The following DYNC1I1 variants were observed in gnomAD, a reference collection of about 807,000 sequenced individuals.
DYNC1I1 encodes cytoplasmic dynein 1 intermediate chain 1.
A neutral mutation model predicts 86.6 loss-of-function variants in DYNC1I1; 43 were observed. The observed-to-expected ratio is 0.50, with a 90% confidence interval of 0.39 to 0.64. The LOEUF (loss-of-function observed/expected upper bound fraction) is 0.64, where lower values mean the gene tolerates loss of function less well. DYNC1I1 is among the 30% of genes least tolerant of loss of function. The probability of loss-of-function intolerance (pLI) is 0.00; values close to 1 mark genes in which losing one functional copy is unlikely to be tolerated. For missense variants in DYNC1I1, 604 were observed against 788.8 expected, an observed-to-expected ratio of 0.77 and a Z score of 2.81; for synonymous variants, 262 against 283.7, an observed-to-expected ratio of 0.92 and a Z score of 0.77.
intron 6 of DYNC1I1, among the ~76,000 whole-genome samples, chr7:95,938,286 G>A (rs1236104917): frequency 6.6e-6 from 1 of 152,136 alleles, no homozygotes; most frequent in Non-Finnish European, 1.5e-5. Context: ...TATTTCTCAA[G>A]TTATAATAAC....
intron 2 of DYNC1I1, among the ~76,000 whole-genome samples, chr7:95,805,902 A>C (rs1433465642): frequency 6.6e-6 from 1 of 152,220 alleles, no homozygotes; most frequent in Non-Finnish European, 1.5e-5. Flanking sequence ...AGACCAAGGT[A>C]ATAGATTTAC....
At chr7:95,835,598 T>C (rs1049867589) in intron 5 of DYNC1I1, among the ~76,000 whole-genome samples, 4 of 151,952 alleles carry the variant, frequency 2.6e-5, no homozygotes, top group Non-Finnish European at 5.9e-5. Flanking sequence ...TATTAATGTG[T>C]GGGAGTCTAA....
chr7:96,019,041 T>A (rs1440141147), intron 10 of DYNC1I1, among the ~76,000 whole-genome samples: 1 of 152,186 alleles, frequency 6.6e-6, no homozygotes, highest in Admixed American at 6.5e-5. Flanking sequence ...GAGTTTGTGT[T>A]TTTTGTTTCT....
chr7:96,109,582 G>A (rs943637250), intron 16 of DYNC1I1, among the ~76,000 whole-genome samples: 1 of 151,818 alleles, frequency 6.6e-6, no homozygotes, highest in Non-Finnish European at 1.5e-5. Flanking sequence ...TATATGTTGT[G>A]TTTTCATTTT....
At chr7:96,104,011 T>A (rs148360493) in intron 16 of DYNC1I1, among the ~76,000 whole-genome samples, 2 of 152,302 alleles carry the variant, frequency 1.3e-5, no homozygotes, top group African/African-American at 4.8e-5. Flanking sequence ...TATCTAGCTG[T>A]GGTTTTAGTT....
At chr7:95,880,367 A>T (rs1382571751) in intron 6 of DYNC1I1, among the ~76,000 whole-genome samples, 2 of 152,066 alleles carry the variant, frequency 1.3e-5, no homozygotes, top group African/African-American at 4.8e-5. Context: ...CCACCCCCAG[A>T]GGAGGTGGAA....
intron 12 of DYNC1I1, among the ~76,000 whole-genome samples, chr7:96,033,900 C>T (rs1336820008): frequency 1.3e-5 from 2 of 152,062 alleles, no homozygotes; most frequent in African/African-American, 4.8e-5. Context: ...GTCCATGTTC[C>T]TTGGGAGGCT....
At chr7:95,960,583 T>C (rs1792840560) in intron 6 of DYNC1I1, among the ~76,000 whole-genome samples, 1 of 152,240 alleles carries the variant, frequency 6.6e-6, no homozygotes, top group Admixed American at 6.5e-5. Context: ...AAACTTGATT[T>C]GTCTACTTCC....
chr7:95,889,003 A>T (rs1790668727), intron 6 of DYNC1I1, among the ~76,000 whole-genome samples: 1 of 152,204 alleles, frequency 6.6e-6, no homozygotes, highest in African/African-American at 2.4e-5. Context: ...AATGCTTGGG[A>T]GAAGTCATTG....
chr7:96,104,086 A>AT (rs1791178661), intron 16 of DYNC1I1, among the ~76,000 whole-genome samples: 1 of 152,116 alleles, frequency 6.6e-6, no homozygotes, highest in Non-Finnish European at 1.5e-5. Flanking sequence ...CATTTAATAT[A>AT]TTATTTCTTC....
chr7:95,831,951 A>G (rs963035200), intron 5 of DYNC1I1, among the ~76,000 whole-genome samples: 22 of 152,088 alleles, frequency 1.4e-4, no homozygotes, highest in Non-Finnish European at 3.1e-4. Context: ...TTGCCTTATC[A>G]TTGTATTGGT....
chr7:96,026,466 G>A (rs968769064), intron 10 of DYNC1I1, among the ~76,000 whole-genome samples: 1 of 151,920 alleles, frequency 6.6e-6, no homozygotes, highest in African/African-American at 2.4e-5. Flanking sequence ...TGGTGTATCA[G>A]TTATGATGTT....
chr7:96,079,783 G>A (rs1418520162), intron 15 of DYNC1I1, among the ~76,000 whole-genome samples: 1 of 152,150 alleles, frequency 6.6e-6, no homozygotes. Context: ...GAGAAAGAGA[G>A]AGAGAGAGAA....
chr7:95,966,207 G>T (rs75602771), intron 6 of DYNC1I1, among the ~76,000 whole-genome samples: 5,411 of 152,288 alleles, frequency 0.036, 142 homozygotes, highest in South Asian at 0.1. Context: ...CCATAGGTCT[G>T]GTTTTCCCAG....
At chr7:95,776,536 G>T (rs1793845010) in intron 1 of DYNC1I1, among the ~76,000 whole-genome samples, 1 of 152,148 alleles carries the variant, frequency 6.6e-6, no homozygotes, top group African/African-American at 2.4e-5. Flanking sequence ...TGGGGATATT[G>T]CTAACTAAAA....
intron 5 of DYNC1I1, among the ~76,000 whole-genome samples, chr7:95,861,785 T>C (rs1789887444): frequency 6.6e-6 from 1 of 152,184 alleles, no homozygotes; most frequent in Non-Finnish European, 1.5e-5. Flanking sequence ...CATGCGAAGG[T>C]GTTCTGAGAG....
intron 14 of DYNC1I1, among the ~76,000 whole-genome samples, chr7:96,068,569 G>A (rs939955463): frequency 1.3e-5 from 2 of 152,082 alleles, no homozygotes; most frequent in Admixed American, 1.3e-4. Flanking sequence ...ATGTTTGATA[G>A]GATAAATCTG....
At chr7:95,914,904 T>G (rs1791428765) in intron 6 of DYNC1I1, among the ~76,000 whole-genome samples, 1 of 152,208 alleles carries the variant, frequency 6.6e-6, no homozygotes, top group Admixed American at 6.5e-5. Flanking sequence ...GCAAATGAAA[T>G]TGCTCATGTA....
intron 16 of DYNC1I1, among the ~76,000 whole-genome samples, chr7:96,108,711 A>T (rs1330044187): frequency 6.6e-6 from 1 of 151,744 alleles, no homozygotes; most frequent in Non-Finnish European, 1.5e-5. Context: ...AAAATACAAA[A>T]ATTAACCGGG....
Sources: allele counts gnomAD v4.1 joint callset (sites outside exome capture counted in the v4.1 genomes callset), GRCh38; gene constraint gnomAD v4.1.1; transcripts MANE v1.5; gene names NCBI Gene and HGNC (gene_info 2026-07-23, HGNC 2026-07-21).